The following CD55 variants were observed in gnomAD, a reference collection of about 807,000 sequenced individuals.
The protein encoded by CD55 is complement decay-accelerating factor.
Under a neutral mutation model 45.8 loss-of-function variants are expected in CD55, and 41 were observed. That is an observed-to-expected ratio of 0.90 (90% confidence interval 0.70 to 1.16). The LOEUF (loss-of-function observed/expected upper bound fraction) is 1.16, where lower values mean the gene tolerates loss of function less well. CD55 is among the 50% of genes most tolerant of loss of function. The pLI, the probability that CD55 is intolerant of heterozygous loss-of-function variation, is 0.00. For missense variants in CD55, 416 were observed against 469.8 expected (o/e 0.89, Z 1.06); for synonymous variants, 181 against 181.1 (o/e 1.00, Z 0.01).
intron 9 of CD55, among the ~76,000 whole-genome samples, chr1:207,340,953 G>A (rs745835711): frequency 4.6e-5 from 7 of 152,014 alleles, no homozygotes; most frequent in Non-Finnish European, 7.4e-5. Context: ...CCTCACCAGC[G>A]TCTGTTATTT....
At chr1:207,322,233 C>T (rs758525068) in intron 1 of CD55, 149 bp from the exon 2 acceptor site, 1 of 763,444 alleles carries the variant, frequency 1.3e-6, no homozygotes, top group Non-Finnish European at 2.4e-6. Flanking sequence ...CCACTCTCGA[C>T]AGAGTCCAGC....
chr1:207,350,738 T>G (rs576309012), intron 9 of CD55, among the ~76,000 whole-genome samples: 2 of 152,258 alleles, frequency 1.3e-5, no homozygotes, highest in African/African-American at 4.8e-5. Flanking sequence ...ATTTGGATGT[T>G]CTCTCTCTTT....
At chr1:207,353,515 T>C (rs934663106) in intron 9 of CD55, among the ~76,000 whole-genome samples, 2 of 152,174 alleles carry the variant, frequency 1.3e-5, no homozygotes, top group African/African-American at 4.8e-5. Context: ...AAGTAGCTAT[T>C]TGAAGTTAAT....
chr1:207,322,312 G>A, intron 1 of CD55, 70 bp from the exon 2 acceptor site: 15 of 1,284,010 alleles, frequency 1.2e-5, no homozygotes, highest in Non-Finnish European at 1.7e-5. Context: ...AAGGGGGCTT[G>A]TGTCTTGAAA....
intron 9 of CD55, among the ~76,000 whole-genome samples, chr1:207,357,256 A>C (rs1296144416): frequency 6.6e-6 from 1 of 152,148 alleles, no homozygotes; most frequent in Non-Finnish European, 1.5e-5. Flanking sequence ...CATGATAGCA[A>C]ATATAGTAAG....
At chr1:207,326,627 T>C (rs749958560) in intron 4 of CD55, 125 bp from the exon 5 acceptor site, 14 of 706,226 alleles carry the variant, frequency 2.0e-5, no homozygotes, top group Non-Finnish European at 3.2e-5. Context: ...TGGACTTTTA[T>C]CAACTACTGT....
At chr1:207,348,456 T>C (rs1655735672) in intron 9 of CD55, among the ~76,000 whole-genome samples, 1 of 152,226 alleles carries the variant, frequency 6.6e-6, no homozygotes, top group Admixed American at 6.5e-5. Flanking sequence ...TCCTTAGAGA[T>C]TTTGAATATT....
chr1:207,325,660 C>T lies in CD55; in HGVS notation c.517C>T (p.Gln173Ter), dbSNP rs1458492476. Residue 173 changes from glutamine to a stop codon, truncating the protein, a stop_gained, in exon 4 of 10, where the codon CAG becomes TAG. Transcript: ENST00000367064. LOFTEE classifies it high-confidence loss of function. ...CPNPGEIRNG[Q>*]IDVPGGILFG... ...TAATCCGGGAGAAATACGAAATGGTCAGATTGATGTACCAGGTGGCATATT... is the reference window on the plus strand; with the variant it reads ...TAATCCGGGAGAAATACGAAATGGTTAGATTGATGTACCAGGTGGCATATT... 2 of 1,610,386 alleles carry T rather than the reference C, an allele frequency of 1.2e-6. No homozygotes were observed. The highest frequency in any genetic ancestry group is 1.7e-6 in the Non-Finnish European group (2 of 1,177,690).
At chr1:207,352,260 G>A (rs1183175445) in intron 9 of CD55, among the ~76,000 whole-genome samples, 1 of 150,104 alleles carries the variant, frequency 6.7e-6, no homozygotes, top group Non-Finnish European at 1.5e-5. Flanking sequence ...GGGGTGGGGG[G>A]TGCGTTAATT....
At chr1:207,345,945 A>G (rs1655618078) in intron 9 of CD55, among the ~76,000 whole-genome samples, 1 of 152,220 alleles carries the variant, frequency 6.6e-6, no homozygotes, top group South Asian at 2.1e-4. Flanking sequence ...TTCGGACCCA[A>G]GTGTTGGCAG....
At chr1:207,340,391 G>A (rs1475590895) in intron 9 of CD55, 3 of 452,900 alleles carry the variant, frequency 6.6e-6, no homozygotes, top group Admixed American at 8.5e-5. Context: ...TTTGAGACAG[G>A]TTCTCGTCCT....
At chr1:207,328,049 G>T (rs1654766055) in intron 5 of CD55, among the ~76,000 whole-genome samples, 1 of 152,184 alleles carries the variant, frequency 6.6e-6, no homozygotes. Context: ...CAGACAAACA[G>T]TCTCCCATCT....
chr1:207,344,136 G>C (rs1019208167), intron 9 of CD55, among the ~76,000 whole-genome samples: 2 of 152,202 alleles, frequency 1.3e-5, no homozygotes, highest in African/African-American at 4.8e-5. Context: ...CATCTTTTAA[G>C]AGGAAAGTTT....
chr1:207,321,792 C>T lies in CD55; in HGVS notation c.27C>T (p.Pro9=), dbSNP rs1473032370. The stretch of plus-strand genomic sequence containing the variant: ...TGACCGTCGCGCGGCCGAGCGTGCC[C>T]GCGGCGCTGCCCCTCCTCGGGGAGC... MTVARPSV[P]AALPLLGELP... is the part of the protein sequence containing the mutation. Residue 9 remains proline (P), a synonymous_variant, in exon 1 of 10, where the codon CCC becomes CCT. Transcript: ENST00000367064. The T allele has an allele frequency of 1.2e-5, 18 of 1,523,286 alleles. No individual in the cohort carries two copies. Among genetic ancestry groups the T allele is most frequent in the African/African-American group, 8.4e-5 (6 of 71,542 alleles). The allele number at this position is 1,523,286 out of a possible 1,614,324, so 94.4% of individuals were successfully genotyped here. A position where few individuals can be genotyped will look rare whatever the true frequency, so the allele number is the denominator to read the frequency against.
At chr1:207,340,402 G>A in intron 9 of CD55, 2 of 450,972 alleles carry the variant, frequency 4.4e-6, no homozygotes, top group South Asian at 4.3e-5. Context: ...TTCTCGTCCT[G>A]TCACCCAGGC....
At chr1:207,353,933 G>A in intron 9 of CD55, 2 of 1,376,792 alleles carry the variant, frequency 1.5e-6, no homozygotes, top group Admixed American at 4.1e-5. Context: ...CATTAAGTAT[G>A]ATATAAGCAA....
At position 207,357,585 on chromosome 1, in the gene CD55, C is replaced by T. The variant is rs891163289; in HGVS notation, c.1082-1961C>T. 8.8e-5 allele frequency among the ~76,000 whole-genome samples: 5 copies of T among 56,758 alleles called. No individual in the cohort carries two copies. In the East Asian group the frequency reaches 1.9e-3, roughly 21 times the overall value. The allele number at this position is 56,758 out of a possible 152,430, so 37.2% of individuals were successfully genotyped here. On this transcript the variant is annotated intron_variant, in intron 9 of 9. Transcript: ENST00000367064. ...TGGGCGGGGGAGGGCGGAGGGCGGG[C>T]GGGGGCAGGGCAGCAAGATGTGATA...
chr1:207,323,877 C>A (rs1486871376), intron 2 of CD55, among the ~76,000 whole-genome samples: 1 of 152,060 alleles, frequency 6.6e-6, no homozygotes, highest in Non-Finnish European at 1.5e-5. Context: ...GGAGACAGAC[C>A]CCAGTAGTTT....
At chr1:207,326,385 A>C (rs142510577) in intron 4 of CD55, among the ~76,000 whole-genome samples, 2 of 152,236 alleles carry the variant, frequency 1.3e-5, no homozygotes, top group African/African-American at 4.8e-5. Context: ...AAATCTGGGA[A>C]GTACTTTGAA....
Sources: allele counts gnomAD v4.1 joint callset (sites outside exome capture counted in the v4.1 genomes callset), GRCh38; gene constraint gnomAD v4.1.1; transcripts MANE v1.5; gene names NCBI Gene and HGNC (gene_info 2026-07-23, HGNC 2026-07-21).